The following CDH23 variants were observed in gnomAD, a reference collection of about 807,000 sequenced individuals.
CDH23 encodes cadherin related 23, also known as cadherin-23.
Under a neutral mutation model 317.1 loss-of-function variants are expected in CDH23, and 189 were observed. That is an observed-to-expected ratio of 0.60 (90% CI 0.53 to 0.67). The LOEUF is 0.67. Ranked by LOEUF, CDH23 falls within the 30% of genes least tolerant of loss-of-function variation. CDH23 has a pLI of 0.00. For synonymous variants in CDH23, 1,839 were observed against 1,876.8 expected (o/e 0.98, Z 0.52); for missense variants, 4,401 against 4,592.4 (o/e 0.96, Z 1.20).
intron 3 of CDH23, among the ~76,000 whole-genome samples, chr10:71,497,371 C>T (rs1280339147): frequency 6.6e-6 from 1 of 152,176 alleles, no homozygotes; most frequent in Non-Finnish European, 1.5e-5. Context: ...CCTCTTGGCT[C>T]TCCAAGCCCT....
chr10:71,480,666 C>T (rs1852020684), intron 3 of CDH23, among the ~76,000 whole-genome samples: 1 of 152,146 alleles, frequency 6.6e-6, no homozygotes. Flanking sequence ...GACCTGTGAG[C>T]CAGGAGCCAC....
intron 48 of CDH23, 43 bp downstream of exon 48, chr10:71,793,683 G>C: frequency 7.1e-7 from 1 of 1,401,548 alleles, no homozygotes; most frequent in East Asian, 2.4e-5. Flanking sequence ...CCAGCTCCCA[G>C]TCCTGTCTCC....
intron 3 of CDH23, among the ~76,000 whole-genome samples, chr10:71,501,657 G>A (rs1241660271): frequency 6.6e-6 from 1 of 152,190 alleles, no homozygotes; most frequent in Non-Finnish European, 1.5e-5. Context: ...AAGGGTGGGA[G>A]GTGGGACCTA....
In CDH23 at chr10:71,605,082, T is replaced by TG. The variant is rs907889533; in HGVS notation, c.833-10416dup. The stretch of plus-strand genomic sequence containing the variant: ...CACAAAGACACACACCATCAAACAC[T>TG]GGGGGGTATTTTGGTGCAGTAAAAT... On this transcript the variant is annotated intron_variant, in intron 9 of 69. Coordinates refer to ENST00000224721, the MANE Select transcript of CDH23 (RefSeq NM_022124.6). Among the ~76,000 whole-genome samples the TG allele has an allele frequency of 4.2e-4, 64 of 152,252 alleles. 1 individual carries two copies. Among genetic ancestry groups the TG allele is most frequent in the African/African-American group, 1.5e-3 (61 of 41,566 alleles).
In CDH23 at chr10:71,807,261, C is replaced by A. The variant is rs756474924; in HGVS notation, c.8179-16C>A. ...TTCCCTTGGCCCCATGTGATGACAT[C>A]CCCCTCCCTCTGCAGAAAGGCAGCC... On this transcript the variant is annotated splice_polypyrimidine_tract_variant and intron_variant, in intron 57 of 69. Transcript: ENST00000224721. The A allele has an allele frequency of 3.1e-6, 5 of 1,610,998 alleles. No individual in the cohort carries two copies. In the East Asian group the frequency reaches 1.1e-4, roughly 36 times the overall value.
chr10:71,756,828 T>C (rs949034050), intron 38 of CDH23, among the ~76,000 whole-genome samples: 1 of 152,242 alleles, frequency 6.6e-6, no homozygotes, highest in Non-Finnish European at 1.5e-5. Flanking sequence ...AAATGTTGCC[T>C]TTCCGCTATT....
intron 6 of CDH23, among the ~76,000 whole-genome samples, chr10:71,529,221 C>T (rs968863838): frequency 6.6e-6 from 1 of 152,220 alleles, no homozygotes; most frequent in Non-Finnish European, 1.5e-5. Flanking sequence ...GTCCTCCGAC[C>T]TCACTTTGAA....
chr10:71,447,136 G>T lies in CDH23; in HGVS notation c.145+741G>T, dbSNP rs77380941. Reference sequence around the variant, plus strand: ...CTGTCATCCGGGGCTTCTTACTCTCGGGTCTGCCATCTCTACATGTGCAAA... The same window carrying T: ...CTGTCATCCGGGGCTTCTTACTCTCTGGTCTGCCATCTCTACATGTGCAAA... On this transcript the variant is annotated intron_variant, in intron 3 of 69. Transcript: ENST00000224721. Among the ~76,000 whole-genome samples the T allele has an allele frequency of 7.2e-5, 11 of 152,244 alleles. No individual in the cohort carries two copies. In the East Asian group the frequency reaches 2.1e-3, roughly 29 times the overall value.
chr10:71,420,434 A>ATGGTGATGGTAATGGTGATGG (rs1848712912), intron 1 of CDH23, among the ~76,000 whole-genome samples: 1 of 37,062 alleles, frequency 2.7e-5, no homozygotes, highest in African/African-American at 1.1e-4. Context: ...GATGATGATG[A>ATGGTGATGGTAATGGTGATGG]TGATGGTCAT....
chr10:71,766,729 ACAGACT>A (rs1167628304), intron 38 of CDH23, among the ~76,000 whole-genome samples: 2 of 152,142 alleles, frequency 1.3e-5, no homozygotes, highest in Non-Finnish European at 2.9e-5. Flanking sequence ...AGATGAGGAA[ACAGACT>A]CAGAGAAGTG....
At chr10:71,757,754 AGG>A (rs1840188241) in intron 38 of CDH23, 1 of 152,536 alleles carries the variant, frequency 6.6e-6, no homozygotes, top group Non-Finnish European at 1.5e-5. Flanking sequence ...TATATGGAGG[AGG>A]GAGTTCGGCT....
At chr10:71,539,116 A>C (rs1426765244) in intron 6 of CDH23, among the ~76,000 whole-genome samples, 1 of 152,154 alleles carries the variant, frequency 6.6e-6, no homozygotes, top group Non-Finnish European at 1.5e-5. Context: ...ACCACTCCCT[A>C]GTTCTCTCCC....
chr10:71,432,665 A>G (rs1380010399), intron 1 of CDH23, among the ~76,000 whole-genome samples: 1 of 152,128 alleles, frequency 6.6e-6, no homozygotes, highest in Non-Finnish European at 1.5e-5. Flanking sequence ...CCTGGGTTTT[A>G]GCCCATTCTG....
chr10:71,806,021 G>C, intron 56 of CDH23, 24 bp downstream of exon 56: 1 of 1,582,168 alleles, frequency 6.3e-7, no homozygotes. Context: ...CCGGTGCGAG[G>C]GGCGGGGTCT....
At chr10:71,790,721 A>G (rs1841227764) in intron 46 of CDH23, 2 of 473,936 alleles carry the variant, frequency 4.2e-6, no homozygotes, top group African/African-American at 3.9e-5. Flanking sequence ...TCAGGCCCCT[A>G]GTCCAGCAGA....
intron 9 of CDH23, among the ~76,000 whole-genome samples, chr10:71,589,766 A>G (rs1207905743): frequency 6.6e-6 from 1 of 152,212 alleles, no homozygotes. Flanking sequence ...ATTCTCCTGC[A>G]CGTTGGAACC....
intron 2 of CDH23, among the ~76,000 whole-genome samples, chr10:71,441,612 C>T (rs765762795): frequency 4.0e-4 from 61 of 151,946 alleles, no homozygotes; most frequent in Admixed American, 3.7e-3. Flanking sequence ...GTCGCAGCTA[C>T]TTGGGAGGCT....
intron 38 of CDH23, chr10:71,748,998 G>A (rs1289463463): frequency 6.6e-6 from 1 of 152,532 alleles, no homozygotes; most frequent in Non-Finnish European, 1.5e-5. Context: ...GGCCGCACCA[G>A]AGGAAGCTGA....
At position 71,778,320 on chromosome 10, in the gene CDH23, G is replaced by A. The variant is rs755435096; in HGVS notation, c.5187+12G>A. ...CCTCTACCACCACGGTGGGTGCATG[G>A]GACACAGCCCCAACTTGGGCTTGGA... On this transcript the variant is annotated intron_variant, in intron 40 of 69. Coordinates refer to ENST00000224721, the MANE Select transcript of CDH23 (RefSeq NM_022124.6). 35 of 1,613,622 alleles carry A rather than the reference G, an allele frequency of 2.2e-5. No individual in the cohort carries two copies. In the South Asian group the frequency reaches 3.7e-4, roughly 17 times the overall value.
Sources: gnomAD v4.1 joint callset for allele counts (sites outside exome capture counted in the v4.1 genomes callset) on GRCh38, gnomAD v4.1.1 for gene constraint, MANE v1.5 for transcripts, NCBI Gene and HGNC (gene_info 2026-07-23, HGNC 2026-07-21) for gene names.